The following NEK6 variants were observed in gnomAD, a reference collection of about 807,000 sequenced individuals.
The protein encoded by NEK6 is NIMA related kinase 6, also known as serine/threonine-protein kinase Nek6.
NEK6 carries 27 observed loss-of-function variants against 43.5 expected under a neutral mutation model. The ratio of observed to expected loss-of-function variants is 0.62; its 90% CI spans 0.46 to 0.86. The LOEUF is 0.86. NEK6 is among the 40% of genes least tolerant of loss of function. NEK6 has a pLI of 0.00. For missense variants in NEK6, 318 were observed against 414.4 expected, an observed-to-expected ratio of 0.77 and a Z score of 2.02; for synonymous variants, 167 against 164.1, an observed-to-expected ratio of 1.02 and a Z score of -0.14.
chr9:124,347,919 G>A (rs975632019), intron 9 of NEK6, 97 bp downstream of exon 9: 2 of 721,538 alleles, frequency 2.8e-6, no homozygotes, highest in Non-Finnish European at 4.8e-6. Flanking sequence ...GCTGAGGTTA[G>A]GCTCACTTTA....
intron 1 of NEK6, chr9:124,265,824 T>A (rs1316974040): frequency 6.6e-6 from 1 of 152,244 alleles, no homozygotes; most frequent in African/African-American, 2.4e-5. Context: ...GTGTGGCACG[T>A]TATCTCATTC....
At position 124,313,994 on chromosome 9, in the gene NEK6, C is replaced by G; in HGVS notation, c.294+9C>G. On this transcript the variant is annotated intron_variant, in intron 4 of 9. Transcript: ENST00000320246. ...AGATCGGCCTCTTGAAGGTGAGCAC[C>G]CTGGGCCGAGCGGGAGCTTTGCCTC... is the stretch of plus-strand genomic sequence containing the variant. The G allele has an allele frequency of 6.2e-7, 1 of 1,613,888 alleles. No homozygotes were observed. The highest frequency in any genetic ancestry group is 1.1e-5 in the South Asian group (1 of 91,058).
chr9:124,335,638 C>G (rs1205359548), intron 7 of NEK6, among the ~76,000 whole-genome samples: 1 of 152,244 alleles, frequency 6.6e-6, no homozygotes, highest in Non-Finnish European at 1.5e-5. Context: ...CGGACTCATT[C>G]ATCCAGTGAG....
chr9:124,285,809 C>T (rs1485487029), intron 1 of NEK6, among the ~76,000 whole-genome samples: 1 of 152,284 alleles, frequency 6.6e-6, no homozygotes, highest in East Asian at 1.9e-4. Context: ...AGTTTTCCCA[C>T]CTCTATTGGG....
At chr9:124,290,449 C>G (rs1226705801) in intron 1 of NEK6, among the ~76,000 whole-genome samples, 1 of 152,260 alleles carries the variant, frequency 6.6e-6, no homozygotes, top group Non-Finnish European at 1.5e-5. Context: ...AGGTGTGTGT[C>G]AGGTGGCGGA....
At chr9:124,286,846 C>T (rs1832188370) in intron 1 of NEK6, among the ~76,000 whole-genome samples, 1 of 152,230 alleles carries the variant, frequency 6.6e-6, no homozygotes, top group Admixed American at 6.5e-5. Flanking sequence ...GGGACTTCCC[C>T]TCTCTGAGCT....
chr9:124,304,042 C>T (rs565459187), intron 2 of NEK6, among the ~76,000 whole-genome samples: 2 of 152,352 alleles, frequency 1.3e-5, no homozygotes, highest in African/African-American at 2.4e-5. Context: ...TAATTAGTTA[C>T]GATTACTCGG....
chr9:124,287,863 C>T (rs1274418396), intron 1 of NEK6, among the ~76,000 whole-genome samples: 6 of 152,154 alleles, frequency 3.9e-5, no homozygotes, highest in Admixed American at 3.9e-4. Flanking sequence ...TGTGTCATTT[C>T]ACCCTCTGGA....
chr9:124,308,946 G>C (rs1438395734), intron 2 of NEK6, among the ~76,000 whole-genome samples: 1 of 152,256 alleles, frequency 6.6e-6, no homozygotes, highest in Non-Finnish European at 1.5e-5. Flanking sequence ...AGGAGCGGGG[G>C]AGGTCTTGGA....
At chr9:124,292,075 A>C in intron 1 of NEK6, 1 of 1,035,612 alleles carries the variant, frequency 9.7e-7, no homozygotes, top group South Asian at 3.4e-5. Context: ...GCTTCTCAGG[A>C]GCCACTTCAA....
At chr9:124,320,455 C>G (rs778777432) in intron 4 of NEK6, among the ~76,000 whole-genome samples, 104 of 152,344 alleles carry the variant, frequency 6.8e-4, no homozygotes, top group Non-Finnish European at 1.2e-3. Context: ...CTTCTCCCAA[C>G]GACTTCCGGG....
At position 124,279,170 on chromosome 9, in the gene NEK6, A is replaced by C. The variant is rs1831780957; in HGVS notation, c.-30+21085A>C. Among the ~76,000 whole-genome samples, 4 of 152,162 alleles carry C rather than the reference A, an allele frequency of 2.6e-5. No homozygotes were observed. In the South Asian group the frequency reaches 8.3e-4, roughly 32 times the overall value. On this transcript the variant is annotated intron_variant, in intron 1 of 9. Transcript: ENST00000320246. ...CGGAGGCATCACTTTCCCACCAAGA[A>C]AGAGCAGGAGGGTCTTTATGGGGGC...
At chr9:124,261,867 C>G (rs1831044071) in intron 1 of NEK6, among the ~76,000 whole-genome samples, 1 of 152,136 alleles carries the variant, frequency 6.6e-6, no homozygotes, top group South Asian at 2.1e-4. Flanking sequence ...TGCGAAGGCT[C>G]AGCCACATTT....
intron 1 of NEK6, among the ~76,000 whole-genome samples, chr9:124,276,714 C>T (rs1198209141): frequency 6.6e-6 from 1 of 152,218 alleles, no homozygotes; most frequent in Non-Finnish European, 1.5e-5. Flanking sequence ...AACAATAATT[C>T]CTCCTCCTAT....
At chr9:124,257,722 G>C, upstream of NEK6, 1 of 1,533,362 alleles carries the variant, frequency 6.5e-7, no homozygotes, top group Non-Finnish European at 8.7e-7. Context: ...CCTGCGCCCT[G>C]TGAGTCTGGG....
chr9:124,292,884 G>T, intron 1 of NEK6: 8 of 1,476,104 alleles, frequency 5.4e-6, no homozygotes, highest in Non-Finnish European at 6.3e-6. Flanking sequence ...CAGCACGGGG[G>T]AGCAGGCTGT....
At chr9:124,291,396 G>A (rs560894204) in intron 1 of NEK6, among the ~76,000 whole-genome samples, 2 of 152,336 alleles carry the variant, frequency 1.3e-5, no homozygotes, top group African/African-American at 2.4e-5. Context: ...GGAGGCCGAG[G>A]TCAGCAGATC....
At chr9:124,303,011 G>C (rs563050083) in intron 2 of NEK6, among the ~76,000 whole-genome samples, 1 of 152,378 alleles carries the variant, frequency 6.6e-6, no homozygotes, top group South Asian at 2.1e-4. Context: ...GGAGCACACA[G>C]CCTCATGGGA....
chr9:124,334,848 G>C (rs1386200324), intron 7 of NEK6, among the ~76,000 whole-genome samples: 1 of 152,218 alleles, frequency 6.6e-6, no homozygotes, highest in East Asian at 1.9e-4. Context: ...GCAGCGCCAG[G>C]CCACACCCCG....
Sources: allele counts gnomAD v4.1 joint callset (sites outside exome capture counted in the v4.1 genomes callset), GRCh38; gene constraint gnomAD v4.1.1; transcripts MANE v1.5; gene names NCBI Gene and HGNC (gene_info 2026-07-23, HGNC 2026-07-21).